Variants in DPF3 observed in about 807,000 individuals in gnomAD.
DPF3 encodes zinc finger protein DPF3.
Under a neutral mutation model 56.8 loss-of-function variants are expected in DPF3, and 18 were observed. The observed-to-expected ratio is 0.32, with a 90% confidence interval of 0.22 to 0.47. DPF3 has a LOEUF of 0.47. Ranked by LOEUF, DPF3 falls within the 20% of genes least tolerant of loss-of-function variation. The pLI is 1.00. For synonymous variants in DPF3, 188 were observed against 180.2 expected, an observed-to-expected ratio of 1.04 and a Z score of -0.35; for missense variants, 403 against 488.8, an observed-to-expected ratio of 0.82 and a Z score of 1.65.
At chr14:72,648,655 G>T (rs1431200367) in intron 8 of DPF3, among the ~76,000 whole-genome samples, 3 of 151,236 alleles carry the variant, frequency 2.0e-5, no homozygotes, top group Non-Finnish European at 4.4e-5. Context: ...CCCTACGCTT[G>T]TCTCCCTCCT....
At chr14:72,767,904 TGA>T (rs1215187707) in intron 2 of DPF3, among the ~76,000 whole-genome samples, 1 of 151,480 alleles carries the variant, frequency 6.6e-6, no homozygotes, top group African/African-American at 2.4e-5. Context: ...TTGAAAACAA[TGA>T]GAGAGAAATG....
At chr14:72,733,431 G>T (rs969103310) in intron 3 of DPF3, among the ~76,000 whole-genome samples, 1 of 152,060 alleles carries the variant, frequency 6.6e-6, no homozygotes, top group African/African-American at 2.4e-5. Flanking sequence ...GGTGGAGAGG[G>T]GCCATTACCG....
chr14:72,863,098 A>ATG (rs1172164837), intron 1 of DPF3, among the ~76,000 whole-genome samples: 1 of 101,132 alleles, frequency 9.9e-6, no homozygotes, highest in African/African-American at 4.0e-5. Context: ...ATATATATAT[A>ATG]TATGTGTGTG....
chr14:72,640,789 A>G (rs1479918610), intron 8 of DPF3, among the ~76,000 whole-genome samples: 2 of 152,200 alleles, frequency 1.3e-5, no homozygotes, highest in African/African-American at 4.8e-5. Context: ...TGGTGTGAAA[A>G]TGTGGGTCTA....
At chr14:72,753,165 G>C in intron 3 of DPF3, 99 bp downstream of exon 3, 1 of 1,081,714 alleles carries the variant, frequency 9.2e-7, no homozygotes, top group Non-Finnish European at 1.3e-6. Context: ...AGAAAACTTA[G>C]CTCTATGGAC....
At chr14:72,800,731 T>C (rs1178331281) in intron 1 of DPF3, among the ~76,000 whole-genome samples, 2 of 152,130 alleles carry the variant, frequency 1.3e-5, no homozygotes, top group African/African-American at 2.4e-5. Flanking sequence ...GATGGATAGA[T>C]GCATGGGTGG....
intron 1 of DPF3, among the ~76,000 whole-genome samples, chr14:72,820,108 A>C (rs79862499): frequency 0.094 from 14,242 of 152,276 alleles, 821 homozygotes; most frequent in Admixed American, 0.18. Flanking sequence ...ATTTGTTAAA[A>C]TTCATAGAAC....
intron 1 of DPF3, among the ~76,000 whole-genome samples, chr14:72,781,741 T>TCCGGGGAGGAAGAGGA: frequency 1.3e-5 from 2 of 151,502 alleles, no homozygotes; most frequent in African/African-American, 4.9e-5. Flanking sequence ...AAGGGGACGC[T>TCCGGGGAGGAAGAGGA]CCGGGGAGGA....
In DPF3 at chr14:72,891,790, C is replaced by G. The variant is rs756725377; in HGVS notation, c.32+2267G>C. On this transcript the variant is annotated intron_variant, in intron 1 of 10. Coordinates refer to ENST00000556509, the MANE Select transcript of DPF3 (RefSeq NM_001280542.3). ...AAAGGAATAGCTAATTATAAATGAC[C>G]AAGCAACTCCCACCTAGAAAAAGCA... Among the ~76,000 whole-genome samples the G allele has an allele frequency of 2.0e-5, 3 of 152,192 alleles. No homozygotes were observed. The East Asian group carries it at 5.8e-4, about 29-fold the overall frequency.
chr14:72,866,762 A>T (rs548884660), intron 1 of DPF3, among the ~76,000 whole-genome samples: 14 of 150,766 alleles, frequency 9.3e-5, no homozygotes, highest in Non-Finnish European at 1.8e-4. Context: ...AGGCTGAGAC[A>T]GGAGAATCGC....
intron 2 of DPF3, among the ~76,000 whole-genome samples, chr14:72,761,321 G>A (rs758459342): frequency 6.6e-6 from 1 of 152,018 alleles, no homozygotes; most frequent in East Asian, 1.9e-4. Flanking sequence ...CACATTTGGT[G>A]CCATAAAACA....
At chr14:72,745,869 C>T (rs1010623763) in intron 3 of DPF3, among the ~76,000 whole-genome samples, 27 of 152,278 alleles carry the variant, frequency 1.8e-4, no homozygotes, top group African/African-American at 5.3e-4. Context: ...AAATACTGTC[C>T]GAGTTAGCCC....
At position 72,611,317 on chromosome 14, in the gene DPF3, A is replaced by T. The variant is rs1883710063; in HGVS notation, c.*7980T>A. Among the ~76,000 whole-genome samples, 1 of 152,234 alleles carries T rather than the reference A, an allele frequency of 6.6e-6. No homozygotes were observed. The highest frequency in any genetic ancestry group is 1.5e-5 in the Non-Finnish European group (1 of 68,046). ...GTTTATTCCTAATGCTGTCAACACA[A>T]ACAACTGAGAGTCTAAGCCAGCACG... On this transcript the variant is annotated 3_prime_UTR_variant, in exon 11 of 11. Coordinates refer to ENST00000556509, the MANE Select transcript of DPF3 (RefSeq NM_001280542.3).
At chr14:72,860,171 A>G (rs1000513166) in intron 1 of DPF3, among the ~76,000 whole-genome samples, 2 of 140,304 alleles carry the variant, frequency 1.4e-5, no homozygotes, top group Non-Finnish European at 3.2e-5. Context: ...ATTTTTATTA[A>G]CATCTTTTGT....
chr14:72,760,265 G>A (rs978657302), intron 2 of DPF3, among the ~76,000 whole-genome samples: 3 of 152,194 alleles, frequency 2.0e-5, no homozygotes, highest in Non-Finnish European at 4.4e-5. Context: ...GAGGTCGGGA[G>A]TTCGAGAACC....
At chr14:72,792,348 T>C (rs970394089) in intron 1 of DPF3, among the ~76,000 whole-genome samples, 1 of 152,176 alleles carries the variant, frequency 6.6e-6, no homozygotes, top group African/African-American at 2.4e-5. Flanking sequence ...AAAAGGCACA[T>C]TCCCTGAGAA....
At chr14:72,745,780 C>T (rs531918419) in intron 3 of DPF3, among the ~76,000 whole-genome samples, 11 of 152,288 alleles carry the variant, frequency 7.2e-5, no homozygotes, top group South Asian at 2.1e-4. Flanking sequence ...TCCTGAGTCA[C>T]GCGCGAAGTA....
chr14:72,772,237 C>T (rs1352034975), intron 1 of DPF3, among the ~76,000 whole-genome samples: 1 of 152,220 alleles, frequency 6.6e-6, no homozygotes, highest in East Asian at 1.9e-4. Flanking sequence ...GAACAACCTT[C>T]TGCATGGAAT....
At chr14:72,775,648 T>C (rs1225563062) in intron 1 of DPF3, among the ~76,000 whole-genome samples, 1 of 152,242 alleles carries the variant, frequency 6.6e-6, no homozygotes, top group Admixed American at 6.5e-5. Flanking sequence ...AAAGACTTTC[T>C]GTGGACTGGA....
Sources: gnomAD v4.1 joint callset for allele counts (sites outside exome capture counted in the v4.1 genomes callset) on GRCh38, gnomAD v4.1.1 for gene constraint, MANE v1.5 for transcripts, NCBI Gene and HGNC (gene_info 2026-07-23, HGNC 2026-07-21) for gene names.